SETDB2: variants seen among roughly 807,000 people sequenced by gnomAD.
SETDB2 encodes the protein histone-lysine N-methyltransferase SETDB2.
A neutral mutation model predicts 82.5 loss-of-function variants in SETDB2; 56 were observed. That is an observed-to-expected ratio of 0.68 (90% CI 0.55 to 0.85). The LOEUF (loss-of-function observed/expected upper bound fraction) is 0.85, where lower values mean the gene tolerates loss of function less well. SETDB2 is among the 40% of genes least tolerant of loss of function. The probability of loss-of-function intolerance (pLI) is 0.00; values close to 1 mark genes in which losing one functional copy is unlikely to be tolerated. For missense variants in SETDB2, 677 were observed against 816.4 expected, an observed-to-expected ratio of 0.83 and a Z score of 2.08; for synonymous variants, 272 against 284.9, an observed-to-expected ratio of 0.95 and a Z score of 0.46.
At chr13:49,489,847 C>T (rs545163951) in intron 12 of SETDB2, among the ~76,000 whole-genome samples, 11 of 146,624 alleles carry the variant, frequency 7.5e-5, no homozygotes, top group South Asian at 2.2e-4. Flanking sequence ...CTGCCTGCCT[C>T]GGCCTCCCAA....
intron 2 of SETDB2, among the ~76,000 whole-genome samples, chr13:49,455,793 A>T (rs998846768): frequency 6.6e-6 from 1 of 151,844 alleles, no homozygotes; most frequent in Non-Finnish European, 1.5e-5. Flanking sequence ...AACAAAAAAA[A>T]ACTAGATAGT....
chr13:49,467,763 C>T, intron 4 of SETDB2, 101 bp from the exon 5 acceptor site: 1 of 678,848 alleles, frequency 1.5e-6, no homozygotes, highest in Non-Finnish European at 2.2e-6. Flanking sequence ...TTTTAGGGAT[C>T]CATATGGGCA....
intron 1 of SETDB2, among the ~76,000 whole-genome samples, chr13:49,448,444 G>A (rs542186956): frequency 4.3e-4 from 66 of 152,210 alleles, no homozygotes; most frequent in South Asian, 4.1e-4. Context: ...CTCTTGGCAT[G>A]CTGCTTTGGC....
chr13:49,448,580 C>T (rs750231136), intron 1 of SETDB2, among the ~76,000 whole-genome samples: 30 of 151,792 alleles, frequency 2.0e-4, no homozygotes, highest in African/African-American at 4.8e-4. Flanking sequence ...TTTTAATTTC[C>T]GCAGGTAGTA....
intron 5 of SETDB2, among the ~76,000 whole-genome samples, chr13:49,475,751 G>A (rs982906711): frequency 6.6e-6 from 1 of 151,806 alleles, no homozygotes; most frequent in African/African-American, 2.4e-5. Context: ...GCCTCTCAAA[G>A]TGCTGGGATT....
chr13:49,479,671 T>C (rs759129702), intron 6 of SETDB2, among the ~76,000 whole-genome samples: 7 of 152,168 alleles, frequency 4.6e-5, no homozygotes, highest in Non-Finnish European at 5.9e-5. Context: ...TGGTTCCCTA[T>C]CAAGTTAGTT....
intron 5 of SETDB2, among the ~76,000 whole-genome samples, chr13:49,474,555 C>CAAAGATTATTACAATAAAA (rs1340359452): frequency 2.0e-5 from 3 of 152,134 alleles, no homozygotes; most frequent in Non-Finnish European, 2.9e-5. Flanking sequence ...AATTTTATAG[C>CAAAGATTATTACAATAAAA]AAAGATTATT....
intron 1 of SETDB2, among the ~76,000 whole-genome samples, chr13:49,450,015 T>C (rs1477939269): frequency 6.6e-6 from 1 of 152,216 alleles, no homozygotes; most frequent in Non-Finnish European, 1.5e-5. Context: ...CTGACTTTGC[T>C]TTAACATTTT....
intron 5 of SETDB2, among the ~76,000 whole-genome samples, chr13:49,473,887 A>G (rs1434184940): frequency 6.6e-5 from 10 of 152,238 alleles, no homozygotes; most frequent in Admixed American, 5.9e-4. Flanking sequence ...AAAAGTGGTA[A>G]GAAGGAACTT....
rs372787295 is a variant in SETDB2 at position 49,482,844 on chromosome 13, G to A, written c.1264G>A (p.Val422Ile). The A allele has an allele frequency of 4.3e-6, 7 of 1,612,518 alleles. No individual in the cohort carries two copies. In the African/African-American group the frequency reaches 6.7e-5, roughly 15 times the overall value. Residue 422 changes from valine to isoleucine, a missense_variant, in exon 9 of 14, where the codon GTT becomes ATT. Val to Ile is a conservative substitution (Grantham distance 29). This residue lies in a region of SETDB2 where 420 missense variants were observed against 554.6 expected (regional missense o/e 0.76). Transcript: ENST00000611815. Reference protein sequence around the residue: ...NIFSKKRKLEVACSDCEVEVL... With the variant: ...NIFSKKRKLEIACSDCEVEVL... Reference sequence around the variant, plus strand: ...ATTTTCAAAAAAGAGGAAATTAGAAGTTGCATGTTCAGATTGTGAAGTTGA... The same window carrying A: ...ATTTTCAAAAAAGAGGAAATTAGAAATTGCATGTTCAGATTGTGAAGTTGA...
intron 4 of SETDB2, 111 bp downstream of exon 4, chr13:49,461,273 A>G (rs1478037829): frequency 1.4e-6 from 1 of 699,096 alleles, no homozygotes; most frequent in Admixed American, 2.6e-5. Flanking sequence ...ATAAAATCTA[A>G]CATCCACATT....
In SETDB2 at chr13:49,490,901, TCAC is replaced by T; in HGVS notation, c.2000_2002del (p.Thr667del). 1 of 1,611,994 alleles carries T rather than the reference TCAC, an allele frequency of 6.2e-7. No homozygotes were observed. The highest frequency in any genetic ancestry group is 8.5e-7 in the Non-Finnish European group (1 of 1,178,290). ...AGGAATTTTCCATTGGTGGCATTCT[TCAC>T]CAACAGGTTTGAAATTGATTTCGCT... On this transcript the variant is annotated inframe_deletion, in exon 13 of 14. Transcript: ENST00000611815.
chr13:49,452,123 C>CT (rs1277773520), intron 2 of SETDB2, among the ~76,000 whole-genome samples: 109 of 138,548 alleles, frequency 7.9e-4, no homozygotes, highest in African/African-American at 2.0e-3. Context: ...TTTTTTTTTT[C>CT]TTTTTTTTTG....
rs1958766672 is a variant in SETDB2, at chr13:49,494,372, GGTTT to G, written c.*2528_*2531del. 1 of 151,970 alleles carries G rather than the reference GGTTT, an allele frequency of 6.6e-6. No homozygotes were observed. The highest frequency in any genetic ancestry group is 1.5e-5 in the Non-Finnish European group (1 of 68,014). 9.4% of individuals were successfully genotyped at this position (151,970 alleles called of 1,614,324 possible). ...TTTCGGCATAATCTGTGTCCTCCAG[GGTTT>G]GTTTCTTTGTTTCCCCTGTATGTTT... On this transcript the variant is annotated 3_prime_UTR_variant, in exon 14 of 14. Coordinates refer to ENST00000611815, the MANE Select transcript of SETDB2 (RefSeq NM_001160308.3).
chr13:49,472,989 T>C (rs1299479934), intron 5 of SETDB2, among the ~76,000 whole-genome samples: 1 of 152,216 alleles, frequency 6.6e-6, no homozygotes, highest in Non-Finnish European at 1.5e-5. Context: ...TTACAAATTT[T>C]AGTCCTAAGT....
intron 12 of SETDB2, among the ~76,000 whole-genome samples, chr13:49,490,094 C>T (rs528241707): frequency 1.1e-3 from 161 of 150,246 alleles, no homozygotes; most frequent in African/African-American, 9.5e-4. Flanking sequence ...CTGGCCAACA[C>T]GGCAAAACCC....
intron 5 of SETDB2, among the ~76,000 whole-genome samples, chr13:49,471,511 A>G (rs956528488): frequency 5.9e-5 from 9 of 151,776 alleles, no homozygotes; most frequent in African/African-American, 1.5e-4. Flanking sequence ...ATTTATTAGA[A>G]GTGTACGAGG....
chr13:49,455,224 A>C (rs998868141), intron 2 of SETDB2, among the ~76,000 whole-genome samples: 1 of 152,178 alleles, frequency 6.6e-6, no homozygotes, highest in Non-Finnish European at 1.5e-5. Context: ...TCACACAGAC[A>C]GGAAGCTGAA....
At chr13:49,457,260 C>T (rs1370560933) in intron 2 of SETDB2, among the ~76,000 whole-genome samples, 4 of 127,166 alleles carry the variant, frequency 3.1e-5, no homozygotes, top group South Asian at 2.5e-4. Context: ...TTTTATTAAT[C>T]GGTTCCAAGA....
Sources: gnomAD v4.1 joint callset for allele counts (sites outside exome capture counted in the v4.1 genomes callset) on GRCh38, gnomAD v4.1.1 for gene constraint, gnomAD v4.1.1 regional missense constraint, MANE v1.5 for transcripts, NCBI Gene and HGNC (gene_info 2026-07-23, HGNC 2026-07-21) for gene names.